RANBP3: variants seen among roughly 807,000 people sequenced by gnomAD.
The protein encoded by RANBP3 is RAN binding protein 3, also known as ran-binding protein 3.
Under a neutral mutation model 77.3 loss-of-function variants are expected in RANBP3, and 14 were observed. The observed-to-expected ratio is 0.18, with a 90% CI of 0.12 to 0.28. The LOEUF is 0.28. Ranked by LOEUF, RANBP3 falls within the 10% of genes least tolerant of loss-of-function variation. The pLI, the probability that RANBP3 is intolerant of heterozygous loss-of-function variation, is 1.00. For synonymous variants in RANBP3, 315 were observed against 312.4 expected, an observed-to-expected ratio of 1.01 and a Z score of -0.09; for missense variants, 586 against 752.3, an observed-to-expected ratio of 0.78 and a Z score of 2.59.
rs543065971 is a variant in RANBP3, at chr19:5,958,485, A to G, written c.23-512T>C. Among the ~76,000 whole-genome samples the G allele has an allele frequency of 1.3e-5, 2 of 152,384 alleles. No individual in the cohort carries two copies. The highest frequency in any genetic ancestry group is 1.3e-4 in the Admixed American group (2 of 15,310). On this transcript the variant is annotated intron_variant, in intron 1 of 16. Coordinates refer to ENST00000340578, the MANE Select transcript of RANBP3 (RefSeq NM_007322.3). This position sits in a 1 kb window ranked among gnomAD's most constrained non-coding sequence, Gnocchi z 4.4. ...CTAAGTGAGTGCTGGTTGGGAGGAA[A>G]GGATGTCTGGAGTTGCTAGAGGCCT... is the stretch of plus-strand genomic sequence containing the variant.
intron 8 of RANBP3, among the ~76,000 whole-genome samples, chr19:5,930,338 T>C (rs1449563052): frequency 6.6e-6 from 1 of 152,206 alleles, no homozygotes; most frequent in East Asian, 1.9e-4. Flanking sequence ...GAACATCTAC[T>C]GGGGATGGAG....
At chr19:5,966,084 T>C (rs2058464877) in intron 1 of RANBP3, among the ~76,000 whole-genome samples, 1 of 152,010 alleles carries the variant, frequency 6.6e-6, no homozygotes, top group Admixed American at 6.6e-5. Flanking sequence ...AAGGGAGGAG[T>C]TACCTGGACT....
Position 5,954,692 on chromosome 19 carries a change from C to T in RANBP3, c.79-3096G>A, listed in dbSNP as rs536832325. On this transcript the variant is annotated intron_variant, in intron 2 of 16. Transcript: ENST00000340578. The stretch of plus-strand genomic sequence containing the variant: ...CAGCTCTAAAAGCTCGGTCCCAGCT[C>T]GGCTTCTGGAGAGCAAGACAGGGAT... Among the ~76,000 whole-genome samples the T allele has an allele frequency of 7.9e-5, 12 of 152,310 alleles. No homozygotes were observed. The South Asian group carries it at 1.2e-3, about 16-fold the overall frequency.
chr19:5,945,854 C>G (rs114407272), intron 3 of RANBP3, among the ~76,000 whole-genome samples: 3,536 of 151,814 alleles, frequency 0.023, 128 homozygotes, highest in African/African-American at 0.08. Context: ...AGAAGCAGCC[C>G]CGGGAACACT....
At chr19:5,964,364 T>C (rs918914536) in intron 1 of RANBP3, among the ~76,000 whole-genome samples, 4 of 152,170 alleles carry the variant, frequency 2.6e-5, no homozygotes, top group South Asian at 2.1e-4. Flanking sequence ...GTCAGGGTGC[T>C]CTGTCCCACC....
chr19:5,970,725 A>G (rs1049836708), intron 1 of RANBP3, among the ~76,000 whole-genome samples: 1 of 152,236 alleles, frequency 6.6e-6, no homozygotes, highest in African/African-American at 2.4e-5. Context: ...GGAGAATCAC[A>G]GCTAGAAGTA....
chr19:5,925,157 C>T (rs1490110538), intron 10 of RANBP3: 2 of 543,544 alleles, frequency 3.7e-6, no homozygotes, highest in Non-Finnish European at 6.6e-6. Flanking sequence ...CTCTACCCGC[C>T]CATCTCCCAG....
At chr19:5,922,721 C>T (rs138041254) in intron 13 of RANBP3, among the ~76,000 whole-genome samples, 2,446 of 152,312 alleles carry the variant, frequency 0.016, 45 homozygotes, top group African/African-American at 0.055. Context: ...GGGTGGATCA[C>T]ATGAGGTCAG....
chr19:5,929,672 CCTT>C (rs1264037171), intron 8 of RANBP3, among the ~76,000 whole-genome samples: 3 of 152,236 alleles, frequency 2.0e-5, no homozygotes, highest in Non-Finnish European at 2.9e-5. Flanking sequence ...TCTAAGCCCT[CCTT>C]AGAGGAGATG....
At position 5,957,951 on chromosome 19, in the gene RANBP3, G is replaced by A. The variant is rs2058355230; in HGVS notation, c.45C>T (p.Pro15=). Residue 15 remains proline, a synonymous_variant, in exon 2 of 17, where the codon CCC becomes CCT. Transcript: ENST00000340578. ...ANEEKPAIAP[P]VFVFQKDKGQ... ...CTTTATCCTTCTGAAACACAAAGAC[G>A]GGCGGAGCAATGGCAGGCTTTTCTG... 4 of 1,614,182 alleles carry A rather than the reference G, an allele frequency of 2.5e-6. 1 individual carries two copies. The highest frequency in any genetic ancestry group is 2.2e-5 in the South Asian group (2 of 91,090).
chr19:5,964,912 C>T (rs1457379559), intron 1 of RANBP3, among the ~76,000 whole-genome samples: 1 of 149,174 alleles, frequency 6.7e-6, no homozygotes, highest in Non-Finnish European at 1.5e-5. Context: ...CTGAGGTCTG[C>T]ACATTTATAC....
Position 5,923,820 on chromosome 19 carries a change from G to A in RANBP3, c.1091C>T (p.Pro364Leu). The change falls in exon 12 of 17, where the codon CCT (proline) becomes CTT (leucine). Residue 364 changes from proline (P) to leucine (L), a missense_variant. Pro to Leu is a moderately conservative substitution (Grantham distance 98, BLOSUM62 -3). Transcript: ENST00000340578. Reference protein sequence around the residue: ...GSESSSQEATPEKESLAESAA... With the variant: ...GSESSSQEATLEKESLAESAA... ...GTGGGACGCTAACATACCTTTCTCA[G>A]GGGTGGCCTCCTGGGACGAGGACTC... 6 of 1,612,310 alleles carry A rather than the reference G, an allele frequency of 3.7e-6. No homozygotes were observed. The South Asian group carries it at 4.4e-5, about 12-fold the overall frequency.
chr19:5,918,676 C>T, intron 14 of RANBP3, 38 bp from the exon 15 acceptor site: 1 of 1,601,966 alleles, frequency 6.2e-7, no homozygotes, highest in Non-Finnish European at 8.5e-7. Flanking sequence ...GGCCCCCACA[C>T]CGGCCCCCTC....
chr19:5,956,217 T>C (rs1333387683), intron 2 of RANBP3, among the ~76,000 whole-genome samples: 1 of 152,156 alleles, frequency 6.6e-6, no homozygotes, highest in Admixed American at 6.5e-5. Context: ...CTAAAAATGG[T>C]TCAAAAGATA....
chr19:5,922,360 T>C (rs2057833131), intron 13 of RANBP3, among the ~76,000 whole-genome samples: 1 of 152,144 alleles, frequency 6.6e-6, no homozygotes, highest in African/African-American at 2.4e-5. Flanking sequence ...AAAAGAACAG[T>C]GCTCTTAAGA....
rs568439796 is a variant in RANBP3, at chr19:5,941,515, C to T, written c.406+106G>A. The stretch of plus-strand genomic sequence containing the variant: ...GCCCGAGCCTCAGATCGACTCTAAC[C>T]GGAGCTGGGCAGGAAGGACACAGCA... On this transcript the variant is annotated intron_variant, in intron 5 of 16. Transcript: ENST00000340578. 5.6e-5 allele frequency: 58 copies of T among 1,029,546 alleles called. No homozygotes were observed. The African/African-American group carries it at 7.2e-4, about 13-fold the overall frequency. 63.8% of individuals were successfully genotyped at this position (1,029,546 alleles called of 1,614,324 possible).
intron 10 of RANBP3, chr19:5,925,421 T>C (rs1479284338): frequency 5.0e-6 from 3 of 594,616 alleles, no homozygotes; most frequent in Non-Finnish European, 9.0e-6. Flanking sequence ...ACTCTGGTCC[T>C]GTCTCAGGCG....
At chr19:5,929,914 C>T (rs1286985473) in intron 8 of RANBP3, among the ~76,000 whole-genome samples, 1 of 152,144 alleles carries the variant, frequency 6.6e-6, no homozygotes, top group Non-Finnish European at 1.5e-5. Context: ...GAATGGCAGC[C>T]AGCACATCAC....
intron 8 of RANBP3, among the ~76,000 whole-genome samples, chr19:5,929,748 C>G (rs138840736): frequency 1.1e-4 from 17 of 152,298 alleles, no homozygotes; most frequent in South Asian, 6.2e-4. Context: ...TGGAAAAGCT[C>G]GGACTCCTGC....
Sources: gnomAD v4.1 joint callset for allele counts (sites outside exome capture counted in the v4.1 genomes callset) on GRCh38, gnomAD v4.1.1 for gene constraint, Gnocchi (gnomAD v3.1) non-coding constraint, MANE v1.5 for transcripts, NCBI Gene and HGNC (gene_info 2026-07-23, HGNC 2026-07-21) for gene names.